The following NSD2 variants were observed in gnomAD, a reference collection of about 807,000 sequenced individuals.
NSD2 encodes the protein histone-lysine N-methyltransferase NSD2.
In NSD2, 12 loss-of-function variants were observed where a neutral mutation model predicts 139.0. The observed-to-expected ratio is 0.09, with a 90% confidence interval of 0.06 to 0.14. The LOEUF (loss-of-function observed/expected upper bound fraction) is 0.14, where lower values mean the gene tolerates loss of function less well. Among genes scored for constraint, NSD2 ranks in the 10% least tolerant of loss-of-function variants. NSD2 has a pLI of 1.00. For missense variants in NSD2, 1,155 were observed against 1,745.0 expected, an observed-to-expected ratio of 0.66 and a Z score of 6.02; for synonymous variants, 669 against 648.7, an observed-to-expected ratio of 1.03 and a Z score of -0.48.
Position 1,948,859 on chromosome 4 carries a change from AT to A in NSD2, c.1882-2205del, listed in dbSNP as rs916366176. 274 of 976,854 alleles carry A rather than the reference AT, an allele frequency of 2.8e-4. No individual in the cohort carries two copies. Among genetic ancestry groups the A allele is most frequent in the Non-Finnish European group, 3.3e-4 (265 of 812,136 alleles). 60.5% of individuals were successfully genotyped at this position (976,854 alleles called of 1,614,324 possible). A position where few individuals can be genotyped will look rare whatever the true frequency, so the allele number is the denominator to read the frequency against. On this transcript the variant is annotated intron_variant, in intron 9 of 21. Coordinates refer to ENST00000508803, the MANE Select transcript of NSD2 (RefSeq NM_001042424.3). The surrounding 1 kb of genome is among the most constrained non-coding windows in gnomAD (Gnocchi z 4.5). ...GTGTTTTCTGTCTTTCTCTCCATGC[AT>A]TTTTTTTCTCATTTTTAAAGCTTTT...
At chr4:1,927,419 A>G (rs931347421) in intron 5 of NSD2, among the ~76,000 whole-genome samples, 1 of 152,062 alleles carries the variant, frequency 6.6e-6, no homozygotes, top group Non-Finnish European at 1.5e-5. Context: ...AGAAAACTCT[A>G]AAAAGATGTT....
At chr4:1,911,601 A>G (rs1160815255) in intron 3 of NSD2, among the ~76,000 whole-genome samples, 7 of 147,874 alleles carry the variant, frequency 4.7e-5, no homozygotes, top group East Asian at 2.0e-4. Context: ...AAAAAAAAAA[A>G]AAAAAAGAAA....
intron 1 of NSD2, among the ~76,000 whole-genome samples, chr4:1,891,669 G>T (rs111728006): frequency 0.024 from 3,624 of 151,956 alleles, 108 homozygotes; most frequent in African/African-American, 0.071. Context: ...TGGCTAACAT[G>T]GTGAAACCCC....
At chr4:1,891,680 A>G (rs949174007) in intron 1 of NSD2, among the ~76,000 whole-genome samples, 1 of 152,054 alleles carries the variant, frequency 6.6e-6, no homozygotes, top group Non-Finnish European at 1.5e-5. Flanking sequence ...GTGAAACCCC[A>G]TCTCTATCAA....
chr4:1,925,053 A>T (rs971691367), intron 5 of NSD2, among the ~76,000 whole-genome samples: 1 of 152,176 alleles, frequency 6.6e-6, no homozygotes, highest in Non-Finnish European at 1.5e-5. Context: ...GGTGGTTTTG[A>T]AGAATTTTCT....
rs568228141 is a variant in NSD2, at chr4:1,900,584, T to C, written c.-29-42T>C. 9.5e-6 allele frequency: 13 copies of C among 1,363,232 alleles called. No individual in the cohort carries two copies. In the East Asian group the frequency reaches 3.1e-4, roughly 32 times the overall value. 84.4% of individuals were successfully genotyped at this position (1,363,232 alleles called of 1,614,324 possible). A position where few individuals can be genotyped will look rare whatever the true frequency, so the allele number is the denominator to read the frequency against. On this transcript the variant is annotated intron_variant, in intron 1 of 21. Transcript: ENST00000508803. The stretch of plus-strand genomic sequence containing the variant: ...GCATACCTATCCTAGGTTTTAAATG[T>C]AATTGCTTTTTCTTTCTTTTTTCTT...
At chr4:1,934,847 TAAAAAAAAAAAAAAAAAA>T (rs34096276) in intron 6 of NSD2, among the ~76,000 whole-genome samples, 11 of 20,704 alleles carry the variant, frequency 5.3e-4, no homozygotes, top group African/African-American at 1.9e-3. Context: ...GACTCCATCT[TAAAAAAAAAAAAAAAAAA>T]AAAAAAAAAA....
chr4:1,932,177 C>G (rs745688299), intron 6 of NSD2, among the ~76,000 whole-genome samples: 14 of 152,182 alleles, frequency 9.2e-5, no homozygotes, highest in African/African-American at 1.2e-4. Context: ...TGGCTCACAC[C>G]TGTAATCCCA....
chr4:1,939,856 G>A, intron 9 of NSD2, 78 bp downstream of exon 9: 1 of 1,607,026 alleles, frequency 6.2e-7, no homozygotes, highest in East Asian at 2.2e-5. Context: ...TGTGAGTAAT[G>A]CTCAGACTTC....
At chr4:1,877,641 A>C (rs1714356420) in intron 1 of NSD2, among the ~76,000 whole-genome samples, 1 of 151,762 alleles carries the variant, frequency 6.6e-6, no homozygotes, top group Non-Finnish European at 1.5e-5. Flanking sequence ...CTGTTTTGGG[A>C]GGCTCTTGTC....
intron 9 of NSD2, among the ~76,000 whole-genome samples, chr4:1,949,991 C>T (rs979607611): frequency 1.3e-5 from 2 of 152,152 alleles, no homozygotes; most frequent in Non-Finnish European, 2.9e-5. Context: ...TGGCAAACAG[C>T]AAGCCGATAA....
Position 1,935,625 on chromosome 4 carries a change from C to T in NSD2, c.1674+363C>T, listed in dbSNP as rs189050066. On this transcript the variant is annotated intron_variant, in intron 7 of 21. Transcript: ENST00000508803. ...CTCTAATCCCAGCACTTTGGGAGGC[C>T]GAGGCAGGTGGATTGCTTGAGGTCA... 1.2e-3 allele frequency among the ~76,000 whole-genome samples: 178 copies of T among 152,054 alleles called. 1 individual carries two copies. Among genetic ancestry groups the T allele is most frequent in the African/African-American group, 4.2e-3 (175 of 41,462 alleles).
chr4:1,891,629 G>T (rs1156396567), intron 1 of NSD2, among the ~76,000 whole-genome samples: 1 of 152,102 alleles, frequency 6.6e-6, no homozygotes, highest in African/African-American at 2.4e-5. Flanking sequence ...GAGGCGGGCA[G>T]TTCACGAGGT....
intron 1 of NSD2, among the ~76,000 whole-genome samples, chr4:1,896,596 G>A (rs1245558533): frequency 6.6e-6 from 1 of 152,108 alleles, no homozygotes; most frequent in Non-Finnish European, 1.5e-5. Context: ...AAACTGCTGG[G>A]TTCAAGCAAT....
chr4:1,972,992 AC>A lies in NSD2; in HGVS notation c.3373-1869del, dbSNP rs1726657200. Among the ~76,000 whole-genome samples the A allele has an allele frequency of 6.6e-6, 1 of 152,136 alleles. No homozygotes were observed. The highest frequency in any genetic ancestry group is 2.1e-4 in the South Asian group (1 of 4,824). Reference sequence around the variant, plus strand: ...CTCAGCCTCCCGAGTAACTGGGATTACCGGTGCCCACCACCATAGCTGGATA... The same window carrying A: ...CTCAGCCTCCCGAGTAACTGGGATTACGGTGCCCACCACCATAGCTGGATA... On this transcript the variant is annotated intron_variant, in intron 18 of 21. Transcript: ENST00000508803. The surrounding 1 kb of genome is among the most constrained non-coding windows in gnomAD (Gnocchi z 4.0).
rs932056247 is a variant in NSD2 at position 1,875,730 on chromosome 4, G to A, written c.-30+4188G>A. Reference sequence around the variant, plus strand: ...ATCCTGGCTAACATGATGAAACCCCGTTTCTACTAAAAAAAAAAAATACAA... The same window carrying A: ...ATCCTGGCTAACATGATGAAACCCCATTTCTACTAAAAAAAAAAAATACAA... On this transcript the variant is annotated intron_variant, in intron 1 of 21. Coordinates refer to ENST00000508803, the MANE Select transcript of NSD2 (RefSeq NM_001042424.3). 5.0e-4 allele frequency among the ~76,000 whole-genome samples: 75 copies of A among 150,188 alleles called. 1 individual carries two copies. Among genetic ancestry groups the A allele is most frequent in the Non-Finnish European group, 9.8e-4 (66 of 67,660 alleles).
chr4:1,903,665 T>C (rs563569628), intron 2 of NSD2, among the ~76,000 whole-genome samples: 1 of 152,200 alleles, frequency 6.6e-6, no homozygotes, highest in Non-Finnish European at 1.5e-5. Flanking sequence ...ATAGAGATCT[T>C]CAAAATGTTG....
Position 1,979,080 on chromosome 4 carries a change from G to A in NSD2, c.*171G>A. The A allele has an allele frequency of 5.3e-6, 4 of 758,316 alleles. No individual in the cohort carries two copies. Among genetic ancestry groups the A allele is most frequent in the South Asian group, 2.6e-5 (1 of 38,110 alleles). 47.0% of individuals were successfully genotyped at this position (758,316 alleles called of 1,614,324 possible). A position where few individuals can be genotyped will look rare whatever the true frequency, so the allele number is the denominator to read the frequency against. On this transcript the variant is annotated 3_prime_UTR_variant, in exon 22 of 22. Coordinates refer to ENST00000508803, the MANE Select transcript of NSD2 (RefSeq NM_001042424.3). ...CCCCACCACTGAGCCATCCTCAGCA[G>A]CGTCCGCTGCGTCTGCACTGATGAC...
chr4:1,968,951 C>CA (rs1274410981), intron 18 of NSD2, among the ~76,000 whole-genome samples: 2 of 152,196 alleles, frequency 1.3e-5, no homozygotes, highest in Non-Finnish European at 2.9e-5. Context: ...ACTTCCAGAA[C>CA]AAAAAATGTA....
Sources: gnomAD v4.1 joint callset for allele counts (sites outside exome capture counted in the v4.1 genomes callset) on GRCh38, gnomAD v4.1.1 for gene constraint, Gnocchi (gnomAD v3.1) non-coding constraint, MANE v1.5 for transcripts, NCBI Gene and HGNC (gene_info 2026-07-23, HGNC 2026-07-21) for gene names.